AKAP19: variants seen among roughly 807,000 people sequenced by gnomAD.
AKAP19 encodes the protein small A-kinase anchoring protein.
chr2:189,992,878 CTT>C, the AKAP19 span, among the ~76,000 whole-genome samples: 2 of 152,146 alleles, frequency 1.3e-5, no homozygotes, highest in Admixed American at 6.5e-5. Context: ...TATCCTGAAA[CTT>C]TACTGAATTC....
At chr2:190,089,134 A>T in the AKAP19 span, among the ~76,000 whole-genome samples, 1 of 152,148 alleles carries the variant, frequency 6.6e-6, no homozygotes, top group Non-Finnish European at 1.5e-5. Flanking sequence ...TGATTTTTCC[A>T]TCTGAGACAT....
At chr2:189,950,028 G>GTTT in the AKAP19 span, among the ~76,000 whole-genome samples, 72,616 of 113,634 alleles carry the variant, frequency 0.64, 26,543 homozygotes, top group East Asian at 0.85. Flanking sequence ...TTGGTTTTGG[G>GTTT]TTTTTTTTTT....
the AKAP19 span, among the ~76,000 whole-genome samples, chr2:190,070,095 C>T: frequency 6.6e-6 from 1 of 152,120 alleles, no homozygotes. Flanking sequence ...CGCTCAATTT[C>T]CTGGGTCAGT....
At chr2:189,965,623 G>A in the AKAP19 span, among the ~76,000 whole-genome samples, 2 of 148,708 alleles carry the variant, frequency 1.3e-5, no homozygotes, top group African/African-American at 2.5e-5. Flanking sequence ...TGCAACAGTG[G>A]CCACAATAAA....
chr2:190,169,991 A>G, the AKAP19 span, among the ~76,000 whole-genome samples: 5 of 152,200 alleles, frequency 3.3e-5, no homozygotes, highest in Non-Finnish European at 5.9e-5. Flanking sequence ...AATGGCAAAA[A>G]CAGCAATTAC....
chr2:189,915,725 G>A, the AKAP19 span, among the ~76,000 whole-genome samples: 1 of 151,962 alleles, frequency 6.6e-6, no homozygotes, highest in South Asian at 2.1e-4. Flanking sequence ...GGTATTGCCG[G>A]GGGAAATTTA....
the AKAP19 span, among the ~76,000 whole-genome samples, chr2:190,073,403 G>A: frequency 6.6e-6 from 1 of 152,128 alleles, no homozygotes; most frequent in Non-Finnish European, 1.5e-5. Flanking sequence ...ATAGAATAGA[G>A]TGCATGCTCA....
the AKAP19 span, among the ~76,000 whole-genome samples, chr2:189,956,536 G>A: frequency 6.6e-6 from 1 of 151,918 alleles, no homozygotes; most frequent in African/African-American, 2.4e-5. Context: ...AACTAGTGCT[G>A]CACTATAATA....
chr2:190,201,423 T>C, the AKAP19 span: 85 of 167,144 alleles, frequency 5.1e-4, no homozygotes, highest in African/African-American at 8.4e-4. Context: ...TTGGTAGACA[T>C]TGAGTTTAAA....
the AKAP19 span, among the ~76,000 whole-genome samples, chr2:189,938,538 A>T: frequency 6.6e-6 from 1 of 152,124 alleles, no homozygotes; most frequent in East Asian, 1.9e-4. Flanking sequence ...AACAAATTAA[A>T]TCATGGAGAT....
the AKAP19 span, among the ~76,000 whole-genome samples, chr2:189,971,751 T>A: frequency 6.6e-6 from 1 of 152,162 alleles, no homozygotes; most frequent in Non-Finnish European, 1.5e-5. Flanking sequence ...GCATTTTTTA[T>A]TGTGACTTTT....
the AKAP19 span, among the ~76,000 whole-genome samples, chr2:189,950,185 G>A: frequency 5.9e-5 from 9 of 151,330 alleles, no homozygotes; most frequent in Non-Finnish European, 1.2e-4. Context: ...CTGCCATGAT[G>A]CCCGGCTAAT....
the AKAP19 span, among the ~76,000 whole-genome samples, chr2:190,176,429 C>A: frequency 1.3e-5 from 2 of 151,780 alleles, no homozygotes; most frequent in Non-Finnish European, 2.9e-5. This position sits in a 1 kb window ranked among gnomAD's most constrained non-coding sequence, Gnocchi z 4.7. Flanking sequence ...CTCACTGCAA[C>A]CTCCACCTCC....
chr2:190,038,929 T>TTCTTCTTCTTCTTCTTCTTCC, the AKAP19 span, among the ~76,000 whole-genome samples: 4 of 143,532 alleles, frequency 2.8e-5, no homozygotes, highest in African/African-American at 1.1e-4. Context: ...CTTCTTCTTC[T>TTCTTCTTCTTCTTCTTCTTCC]TCTTCTTCTT....
chr2:190,142,433 T>C, the AKAP19 span, among the ~76,000 whole-genome samples: 6 of 152,226 alleles, frequency 3.9e-5, no homozygotes, highest in Non-Finnish European at 7.3e-5. Flanking sequence ...TGAGGTATAA[T>C]GTATCTGGGT....
chr2:189,899,562 A>C, the AKAP19 span, among the ~76,000 whole-genome samples: 1 of 149,416 alleles, frequency 6.7e-6, no homozygotes, highest in African/African-American at 2.4e-5. Flanking sequence ...GATCTTTGTC[A>C]ATGGATTCAA....
the AKAP19 span, among the ~76,000 whole-genome samples, chr2:189,920,198 A>C: frequency 1.3e-5 from 2 of 152,240 alleles, no homozygotes; most frequent in Non-Finnish European, 1.5e-5. Flanking sequence ...CATAAAAAAT[A>C]TAAGTGTATT....
the AKAP19 span, among the ~76,000 whole-genome samples, chr2:190,192,406 A>G: frequency 2.7e-5 from 4 of 150,236 alleles, no homozygotes; most frequent in Admixed American, 2.0e-4. Flanking sequence ...CTTTCTCAAA[A>G]TTGTTTTGGC....
At chr2:190,140,070 GA>G in the AKAP19 span, among the ~76,000 whole-genome samples, 54 of 152,304 alleles carry the variant, frequency 3.5e-4, no homozygotes, top group Non-Finnish European at 6.5e-4. Context: ...ATGCAAGTCT[GA>G]AATCCGATGG....
Sources: gnomAD v4.1 joint callset for allele counts (sites outside exome capture counted in the v4.1 genomes callset) on GRCh38, gnomAD v4.1.1 for gene constraint, Gnocchi (gnomAD v3.1) non-coding constraint, MANE v1.5 for transcripts, NCBI Gene and HGNC (gene_info 2026-07-23, HGNC 2026-07-21) for gene names.